Variants in CPLX2 observed in about 807,000 individuals in gnomAD.
The protein encoded by CPLX2 is complexin 2.
In CPLX2, 5 loss-of-function variants were observed where a neutral mutation model predicts 16.3. The ratio of observed to expected loss-of-function variants is 0.31; its 90% CI spans 0.16 to 0.64. The LOEUF is 0.64. CPLX2 is among the 30% of genes least tolerant of loss of function. CPLX2 has a pLI of 0.79. For synonymous variants in CPLX2, 89 were observed against 73.2 expected, an observed-to-expected ratio of 1.22 and a Z score of -1.10; for missense variants, 144 against 181.4, an observed-to-expected ratio of 0.79 and a Z score of 1.18.
intron 2 of CPLX2, among the ~76,000 whole-genome samples, chr5:175,816,098 C>T (rs988370997): frequency 4.6e-5 from 7 of 152,186 alleles, no homozygotes; most frequent in African/African-American, 7.2e-5. Flanking sequence ...TCCTTCCAAT[C>T]GGTGACTCCG....
At chr5:175,817,657 G>A (rs1450061612) in intron 2 of CPLX2, among the ~76,000 whole-genome samples, 3 of 152,188 alleles carry the variant, frequency 2.0e-5, no homozygotes, top group Non-Finnish European at 1.5e-5. Flanking sequence ...CTAGGGACTA[G>A]GGATTGAGGG....
rs1414498178 is a variant in CPLX2 at position 175,879,955 on chromosome 5, C to T, written c.315C>T (p.Cys105=). 40 of 1,613,714 alleles carry T rather than the reference C, an allele frequency of 2.5e-5. No individual in the cohort carries two copies. Among genetic ancestry groups the T allele is most frequent in the Admixed American group, 1.5e-4 (9 of 59,980 alleles). Residue 105 remains cysteine (C), a synonymous_variant, in exon 4 of 4, where the codon TGC becomes TGT. Transcript: ENST00000393745. ...CCAAGAAGGCCATCCCTGCGGGCTG[C>T]GGGGACGAGGAGGAGGAGGAAGAGG... is the stretch of plus-strand genomic sequence containing the variant. ...TRPKKAIPAG[C]GDEEEEEEES...
intron 1 of CPLX2, among the ~76,000 whole-genome samples, chr5:175,798,755 G>T (rs142660065): frequency 2.0e-5 from 3 of 152,236 alleles, no homozygotes; most frequent in Middle Eastern, 3.4e-3. Context: ...CCATCATTCA[G>T]CTTCAACAGT....
chr5:175,819,313 T>A (rs1758466953), intron 2 of CPLX2, among the ~76,000 whole-genome samples: 1 of 152,222 alleles, frequency 6.6e-6, no homozygotes, highest in South Asian at 2.1e-4. Flanking sequence ...TAGCAGATAC[T>A]GTCAAATGTT....
intron 2 of CPLX2, among the ~76,000 whole-genome samples, chr5:175,838,704 C>T (rs2113666208): frequency 6.6e-6 from 1 of 152,088 alleles, no homozygotes; most frequent in East Asian, 1.9e-4. Context: ...TCCTAAGATT[C>T]TACATCAGGT....
Position 175,849,474 on chromosome 5 carries a change from AT to A in CPLX2, c.-88-29177del. On this transcript the variant is annotated intron_variant, in intron 2 of 4. Coordinates refer to the CPLX2 transcript ENST00000359546. The surrounding 1 kb of genome is among the most constrained non-coding windows in gnomAD (Gnocchi z 4.4). ...TGCATGCAGCCGAACCCCACACTGGATGTTAGAGGCACAAAGACTTGACCTT... is the reference window on the plus strand; with the variant it reads ...TGCATGCAGCCGAACCCCACACTGGAGTTAGAGGCACAAAGACTTGACCTT... 6.6e-6 allele frequency among the ~76,000 whole-genome samples: 1 copy of A among 152,128 alleles called. No homozygotes were observed. Among genetic ancestry groups the A allele is most frequent in the Admixed American group, 6.5e-5 (1 of 15,278 alleles).
At chr5:175,798,258 G>A (rs1226004935) in intron 1 of CPLX2, among the ~76,000 whole-genome samples, 1 of 152,220 alleles carries the variant, frequency 6.6e-6, no homozygotes, top group Non-Finnish European at 1.5e-5. Flanking sequence ...AATTTAATGA[G>A]AGAGCCATGT....
intron 2 of CPLX2, among the ~76,000 whole-genome samples, chr5:175,824,657 C>A (rs1235736369): frequency 2.0e-5 from 3 of 152,358 alleles, no homozygotes; most frequent in Non-Finnish European, 2.9e-5. Context: ...AGAGCCAGCA[C>A]CTTCATTGTG....
intron 2 of CPLX2, among the ~76,000 whole-genome samples, chr5:175,827,744 T>A (rs1411227111): frequency 1.3e-5 from 2 of 152,118 alleles, no homozygotes; most frequent in African/African-American, 4.8e-5. Context: ...TGAGTGACAG[T>A]GAGACTCCGT....
At chr5:175,825,427 G>A (rs1273801435) in intron 2 of CPLX2, among the ~76,000 whole-genome samples, 3 of 151,882 alleles carry the variant, frequency 2.0e-5, no homozygotes, top group Non-Finnish European at 4.4e-5. Flanking sequence ...GAAAGAAAAT[G>A]GGGCACAATA....
At chr5:175,824,547 T>A (rs1247194203) in intron 2 of CPLX2, among the ~76,000 whole-genome samples, 2 of 152,172 alleles carry the variant, frequency 1.3e-5, no homozygotes, top group African/African-American at 2.4e-5. Context: ...AAGGCCAAGG[T>A]CTGGCCTCTG....
Position 175,809,405 on chromosome 5 carries a change from G to A in CPLX2, c.-89+337G>A, listed in dbSNP as rs1182103708. 1.3e-5 allele frequency: 2 copies of A among 152,238 alleles called. No homozygotes were observed. Among genetic ancestry groups the A allele is most frequent in the African/African-American group, 4.8e-5 (2 of 41,464 alleles). 9.4% of individuals were successfully genotyped at this position (152,238 alleles called of 1,614,324 possible). A position where few individuals can be genotyped will look rare whatever the true frequency, so the allele number is the denominator to read the frequency against. On this transcript the variant is annotated intron_variant, in intron 2 of 4. Transcript: ENST00000359546. The surrounding 1 kb of genome is among the most constrained non-coding windows in gnomAD (Gnocchi z 4.4). The stretch of plus-strand genomic sequence containing the variant: ...AGACACACAGCTGGTAGGTAGCTAA[G>A]GCTGAATTCCAAGCTTTTTCATGTC...
At chr5:175,844,435 G>A (rs1181983649) in intron 2 of CPLX2, among the ~76,000 whole-genome samples, 1 of 152,254 alleles carries the variant, frequency 6.6e-6, no homozygotes, top group African/African-American at 2.4e-5. Context: ...GGACAGACAA[G>A]AGCCTGCTCT....
rs191343410 is a variant in CPLX2, at chr5:175,811,160, G to C, written c.-89+2092G>C. 3.9e-3 allele frequency among the ~76,000 whole-genome samples: 599 copies of C among 152,342 alleles called. 5 individuals carry two copies. The highest frequency in any genetic ancestry group is 0.013 in the African/African-American group (530 of 41,580). On this transcript the variant is annotated intron_variant, in intron 2 of 4. Coordinates refer to the CPLX2 transcript ENST00000359546. Reference sequence around the variant, plus strand: ...TGTGAATAAATGAATGAATGATTATGAATGATTGGTTCAGGACCCATATAA... The same window carrying C: ...TGTGAATAAATGAATGAATGATTATCAATGATTGGTTCAGGACCCATATAA...
chr5:175,844,043 T>C (rs966186807), intron 2 of CPLX2, among the ~76,000 whole-genome samples: 1 of 152,240 alleles, frequency 6.6e-6, no homozygotes, highest in East Asian at 1.9e-4. Context: ...AAATGACCCT[T>C]GAGCCCACCC....
intron 2 of CPLX2, among the ~76,000 whole-genome samples, chr5:175,865,328 T>C (rs1473882539): frequency 6.6e-6 from 1 of 152,146 alleles, no homozygotes; most frequent in East Asian, 1.9e-4. Flanking sequence ...AAATGGAAAG[T>C]AGAAGTCATT....
intron 1 of CPLX2, chr5:175,878,421 G>C (rs1006673020): frequency 1.2e-5 from 6 of 487,228 alleles, no homozygotes; most frequent in African/African-American, 3.9e-5. Flanking sequence ...CAAGATGAAG[G>C]CTTTAAAATA....
rs1759665118 is a variant in CPLX2, at chr5:175,872,841, A to G, written c.-89+1136A>G. 6.6e-6 allele frequency: 1 copy of G among 152,338 alleles called. No homozygotes were observed. Among genetic ancestry groups the G allele is most frequent in the African/African-American group, 2.4e-5 (1 of 41,464 alleles). 9.4% of individuals were successfully genotyped at this position (152,338 alleles called of 1,614,324 possible). On this transcript the variant is annotated intron_variant, in intron 1 of 3. Transcript: ENST00000393745. The surrounding 1 kb of genome is among the most constrained non-coding windows in gnomAD (Gnocchi z 5.0). ...GAATCATAAAAACAGAAAAACGGCC[A>G]TAAGGACAACCACTGCAGGTTACCC...
chr5:175,854,595 A>G (rs1192314739), intron 2 of CPLX2, among the ~76,000 whole-genome samples: 1 of 152,204 alleles, frequency 6.6e-6, no homozygotes, highest in African/African-American at 2.4e-5. Context: ...TACTATTTGT[A>G]TTATTATTAC....
Sources: allele counts gnomAD v4.1 joint callset (sites outside exome capture counted in the v4.1 genomes callset), GRCh38; gene constraint gnomAD v4.1.1; non-coding constraint Gnocchi (gnomAD v3.1); transcripts MANE v1.5; gene names NCBI Gene and HGNC (gene_info 2026-07-23, HGNC 2026-07-21).